The following SH2B3 variants were observed in gnomAD, a reference collection of about 807,000 sequenced individuals.
The protein encoded by SH2B3 is SH2B adaptor protein 3.
SH2B3 carries 43 observed loss-of-function variants against 51.9 expected under a neutral mutation model. That is an observed-to-expected ratio of 0.83 (90% confidence interval 0.65 to 1.07). The LOEUF (loss-of-function observed/expected upper bound fraction) is 1.07. Ranked by LOEUF, SH2B3 falls within the 50% of genes least tolerant of loss-of-function variation. The probability of loss-of-function intolerance (pLI) is 0.00; values close to 1 mark genes in which losing one functional copy is unlikely to be tolerated. For missense variants in SH2B3, 952 were observed against 834.3 expected (o/e 1.14, Z -1.74); for synonymous variants, 396 against 376.0 (o/e 1.05, Z -0.62).
At chr12:111,434,574 G>A (rs1165677514) in intron 2 of SH2B3, among the ~76,000 whole-genome samples, 1 of 152,200 alleles carries the variant, frequency 6.6e-6, no homozygotes, top group African/African-American at 2.4e-5. Context: ...CTTGACCTAT[G>A]GGGGTTTGCA....
At position 111,447,548 on chromosome 12, in the gene SH2B3, T is replaced by C. The variant is rs745340800; in HGVS notation, c.1236+4T>C. 2 of 69,766 alleles carry C rather than the reference T, an allele frequency of 2.9e-5. No individual in the cohort carries two copies. Among genetic ancestry groups the C allele is most frequent in the South Asian group, 1.2e-4 (1 of 8,456 alleles). 4.3% of individuals were successfully genotyped at this position (69,766 alleles called of 1,614,324 possible). Reference sequence around the variant, plus strand: ...CAACTTTCAGGGGATAGCCAAGGTATGGGGTGGGGTGGGGTGGGGTGGGGC... The same window carrying C: ...CAACTTTCAGGGGATAGCCAAGGTACGGGGTGGGGTGGGGTGGGGTGGGGC... On this transcript the variant is annotated splice_donor_region_variant and intron_variant, in intron 6 of 7. Transcript: ENST00000341259.
At chr12:111,444,978 T>C (rs1158217313) in intron 2 of SH2B3, 2 of 672,074 alleles carry the variant, frequency 3.0e-6, no homozygotes, top group Non-Finnish European at 1.8e-6. Flanking sequence ...TGGGTTGTGC[T>C]CAGCCAGCAG....
intron 2 of SH2B3, chr12:111,444,890 G>T: frequency 1.0e-6 from 1 of 985,660 alleles, no homozygotes; most frequent in South Asian, 4.7e-5. Context: ...TCTGATACTT[G>T]GCAGGCTTGG....
rs772073038 is a variant in SH2B3, at chr12:111,418,295, G to A, written c.150G>A (p.Arg50=). The change falls in exon 2 of 8, where the codon CGG becomes CGA. Residue 50 remains arginine, a synonymous_variant. Transcript: ENST00000341259. The surrounding 1 kb of genome is among the most constrained non-coding windows in gnomAD (Gnocchi z 6.7). Reference sequence around the variant, plus strand: ...CCCGCCAGTACTGGCTGTTCGCCCGGGAGCATCCGCAGCACGCGCCGCTGC... The same window carrying A: ...CCCGCCAGTACTGGCTGTTCGCCCGAGAGCATCCGCAGCACGCGCCGCTGC... ...ELARQYWLFA[R]EHPQHAPLRA... is the part of the protein sequence containing the mutation. 17 of 1,535,756 alleles carry A rather than the reference G, an allele frequency of 1.1e-5. 1 individual carries two copies. In the South Asian group the frequency reaches 1.7e-4, roughly 15 times the overall value.
intron 2 of SH2B3, among the ~76,000 whole-genome samples, chr12:111,439,715 G>C (rs896615840): frequency 6.6e-6 from 1 of 152,226 alleles, no homozygotes; most frequent in Non-Finnish European, 1.5e-5. Context: ...GAGCAGAGGA[G>C]GGTAGGCTGG....
chr12:111,418,642 C>T lies in SH2B3; in HGVS notation c.497C>T (p.Pro166Leu). 2.0e-6 allele frequency: 3 copies of T among 1,478,976 alleles called. No individual in the cohort carries two copies. Among genetic ancestry groups the T allele is most frequent in the Non-Finnish European group, 2.7e-6 (3 of 1,124,200 alleles). 91.6% of individuals were successfully genotyped at this position (1,478,976 alleles called of 1,614,324 possible). A position where few individuals can be genotyped will look rare whatever the true frequency, so the allele number is the denominator to read the frequency against. The stretch of plus-strand genomic sequence containing the variant: ...CACACCGCTGCCGCCCCCGGGACCC[C>T]CGGAGAGGCTGCTGAGACCCCCGCC... ...AAHTAAAPGT[P>L]GEAAETPARP... The change falls in exon 2 of 8, where the codon CCC becomes CTC. Residue 166 changes from proline to leucine, a missense_variant. Coordinates refer to ENST00000341259, the MANE Select transcript of SH2B3 (RefSeq NM_005475.3). The surrounding 1 kb of genome is among the most constrained non-coding windows in gnomAD (Gnocchi z 6.7).
intron 1 of SH2B3, among the ~76,000 whole-genome samples, chr12:111,416,914 C>T (rs1871128423): frequency 6.6e-6 from 1 of 152,234 alleles, no homozygotes; most frequent in African/African-American, 2.4e-5. Flanking sequence ...TCTGATTCCT[C>T]CCCAGAGGTA....
chr12:111,444,449 T>C (rs1248180479), intron 2 of SH2B3, among the ~76,000 whole-genome samples: 3 of 152,140 alleles, frequency 2.0e-5, no homozygotes, highest in East Asian at 3.9e-4. Flanking sequence ...TCCCCAGAAA[T>C]AGACGCTGCA....
chr12:111,432,119 CTT>C (rs59813434), intron 2 of SH2B3, among the ~76,000 whole-genome samples: 108 of 141,520 alleles, frequency 7.6e-4, no homozygotes, highest in East Asian at 2.7e-3. Context: ...TTTCTGTATT[CTT>C]TTTTTTTTTT....
In SH2B3 at chr12:111,448,532, G is replaced by A; in HGVS notation, c.*230G>A. Reference sequence around the variant, plus strand: ...CTTATTGTTTACAGATGTAGTTCTTGTTAGAGGATGCCGCTAGCTCCTGCC... The same window carrying A: ...CTTATTGTTTACAGATGTAGTTCTTATTAGAGGATGCCGCTAGCTCCTGCC... On this transcript the variant is annotated 3_prime_UTR_variant, in exon 8 of 8. Coordinates refer to ENST00000341259, the MANE Select transcript of SH2B3 (RefSeq NM_005475.3). 1 of 543,728 alleles carries A rather than the reference G, an allele frequency of 1.8e-6. No individual in the cohort carries two copies. The highest frequency in any genetic ancestry group is 3.3e-6 in the Non-Finnish European group (1 of 306,782). The allele number at this position is 543,728 out of a possible 1,614,324, so 33.7% of individuals were successfully genotyped here. A position where few individuals can be genotyped will look rare whatever the true frequency, so the allele number is the denominator to read the frequency against.
chr12:111,439,096 C>T (rs1359894946), intron 2 of SH2B3, among the ~76,000 whole-genome samples: 1 of 152,164 alleles, frequency 6.6e-6, no homozygotes, highest in Non-Finnish European at 1.5e-5. Flanking sequence ...CGTCAGCCTC[C>T]CAAGTAGCTG....
intron 1 of SH2B3, among the ~76,000 whole-genome samples, chr12:111,412,639 A>T (rs1468154399): frequency 6.6e-6 from 1 of 152,154 alleles, no homozygotes; most frequent in Non-Finnish European, 1.5e-5. Context: ...GTGTGATCAC[A>T]GCTCACTGCA....
rs1283348714 is a variant in SH2B3 at position 111,429,033 on chromosome 12, G to C, written c.732+10156G>C. On this transcript the variant is annotated intron_variant, in intron 2 of 7. Transcript: ENST00000341259. This position sits in a 1 kb window ranked among gnomAD's most constrained non-coding sequence, Gnocchi z 4.4. Reference sequence around the variant, plus strand: ...AGGAGTGCGAGGAGGAGGAGGAGGAGGAGGAGGAGGAGGAAGAGGAGGAGG... The same window carrying C: ...AGGAGTGCGAGGAGGAGGAGGAGGACGAGGAGGAGGAGGAAGAGGAGGAGG... Among the ~76,000 whole-genome samples, 1 of 148,138 alleles carries C rather than the reference G, an allele frequency of 6.8e-6. No individual in the cohort carries two copies. The highest frequency in any genetic ancestry group is 1.5e-5 in the Non-Finnish European group (1 of 66,352).
chr12:111,411,927 G>T (rs552142545), intron 1 of SH2B3, among the ~76,000 whole-genome samples: 3 of 152,204 alleles, frequency 2.0e-5, no homozygotes, highest in Non-Finnish European at 4.4e-5. Flanking sequence ...TGCCCCAGAA[G>T]GAAGCCTGAG....
In SH2B3 at chr12:111,429,288, C is replaced by T. The variant is rs1002291033; in HGVS notation, c.732+10411C>T. Among the ~76,000 whole-genome samples the T allele has an allele frequency of 6.6e-6, 1 of 152,332 alleles. No individual in the cohort carries two copies. The highest frequency in any genetic ancestry group is 2.1e-4 in the South Asian group (1 of 4,822). On this transcript the variant is annotated intron_variant, in intron 2 of 7. Coordinates refer to ENST00000341259, the MANE Select transcript of SH2B3 (RefSeq NM_005475.3). This position sits in a 1 kb window ranked among gnomAD's most constrained non-coding sequence, Gnocchi z 4.4. ...CACAGCCAGTGTTCGCTGGGGCCTG[C>T]AAGGCTTTGCTGCTGCAGGCATCAC...
At position 111,446,786 on chromosome 12, in the gene SH2B3, A is replaced by G; in HGVS notation, c.766A>G (p.Ser256Gly). Residue 256 changes from serine (S) to glycine (G), a missense_variant, in exon 3 of 8, where the codon AGC (serine) becomes GGC (glycine). Coordinates refer to ENST00000341259, the MANE Select transcript of SH2B3 (RefSeq NM_005475.3). ...SRPKLQAACS[S>G]IQEVRWCTRL... ...GCCCAAGCTACAAGCAGCTTGCTCC[A>G]GCATCCAGGAGGTCCGGTGGTGCAC... 1 of 1,558,410 alleles carries G rather than the reference A, an allele frequency of 6.4e-7. No homozygotes were observed. Among genetic ancestry groups the G allele is most frequent in the East Asian group, 2.3e-5 (1 of 44,368 alleles).
At chr12:111,411,070 A>G (rs1238631170) in intron 1 of SH2B3, among the ~76,000 whole-genome samples, 1 of 152,054 alleles carries the variant, frequency 6.6e-6, no homozygotes, top group Admixed American at 6.6e-5. Flanking sequence ...CCACACTTTA[A>G]GAAATCTTCC....
chr12:111,414,054 C>T (rs985167301), intron 1 of SH2B3, among the ~76,000 whole-genome samples: 3 of 152,212 alleles, frequency 2.0e-5, no homozygotes, highest in African/African-American at 7.2e-5. Context: ...CTCCAAGCCA[C>T]GAGGGCAGCG....
intron 2 of SH2B3, among the ~76,000 whole-genome samples, chr12:111,427,279 G>A (rs1006797406): frequency 2.0e-5 from 3 of 151,940 alleles, no homozygotes; most frequent in African/African-American, 4.8e-5. Context: ...CCAGCTACTC[G>A]GGAGGCTGAG....
Sources: allele counts gnomAD v4.1 joint callset (sites outside exome capture counted in the v4.1 genomes callset), GRCh38; gene constraint gnomAD v4.1.1; non-coding constraint Gnocchi (gnomAD v3.1); transcripts MANE v1.5; gene names NCBI Gene and HGNC (gene_info 2026-07-23, HGNC 2026-07-21).